Variants in SLC16A12 observed in about 807,000 individuals in gnomAD.
SLC16A12 encodes monocarboxylate transporter 12.
A neutral mutation model predicts 42.4 loss-of-function variants in SLC16A12; 17 were observed. The ratio of observed to expected loss-of-function variants is 0.40; its 90% CI spans 0.27 to 0.60. SLC16A12 has a LOEUF of 0.60. Among genes scored for constraint, SLC16A12 ranks in the 20% least tolerant of loss-of-function variants. The pLI, the probability that SLC16A12 is intolerant of heterozygous loss-of-function variation, is 0.42. For synonymous variants in SLC16A12, 224 were observed against 229.4 expected, an observed-to-expected ratio of 0.98 and a Z score of 0.21; for missense variants, 544 against 623.0, an observed-to-expected ratio of 0.87 and a Z score of 1.35.
intron 2 of SLC16A12, among the ~76,000 whole-genome samples, chr10:89,518,714 C>T (rs902069924): frequency 2.0e-5 from 3 of 152,136 alleles, no homozygotes; most frequent in Non-Finnish European, 4.4e-5. Context: ...CCTCCTGGGC[C>T]TCCATCTTCT....
intron 2 of SLC16A12, among the ~76,000 whole-genome samples, chr10:89,523,471 T>C (rs1843394933): frequency 6.6e-6 from 1 of 152,228 alleles, no homozygotes; most frequent in South Asian, 2.1e-4. Flanking sequence ...GGCCAGTCTC[T>C]GTAGAATGTG....
upstream of SLC16A12, among the ~76,000 whole-genome samples, chr10:89,536,979 G>A (rs1013211432): frequency 1.3e-5 from 2 of 150,562 alleles, no homozygotes; most frequent in Non-Finnish European, 3.0e-5. Flanking sequence ...CTGGGATTAC[G>A]GGCGCGTGCC....
At chr10:89,449,760 A>G (rs1381224316) in intron 3 of SLC16A12, among the ~76,000 whole-genome samples, 2 of 152,110 alleles carry the variant, frequency 1.3e-5, no homozygotes, top group Non-Finnish European at 1.5e-5. Flanking sequence ...TGACAAATGG[A>G]ATCTAATTAA....
intron 7 of SLC16A12, 82 bp from the exon 8 acceptor site, chr10:89,433,408 G>A (rs1841724882): frequency 7.0e-7 from 1 of 1,436,664 alleles, no homozygotes; most frequent in Non-Finnish European, 9.6e-7. Flanking sequence ...TGATTTGTAA[G>A]GATAATAATA....
At chr10:89,434,178 T>C (rs1219876868) in intron 7 of SLC16A12, among the ~76,000 whole-genome samples, 20 of 152,212 alleles carry the variant, frequency 1.3e-4, no homozygotes. Flanking sequence ...TAAACTGCTC[T>C]CAAATATTTT....
chr10:89,431,977 G>C lies in SLC16A12; in HGVS notation c.*1087C>G, dbSNP rs991209231. Reference sequence around the variant, plus strand: ...AATCTCACCTTTAGAATATCTCTAGGATAATATTTTTCAGACAACTGACTC... The same window carrying C: ...AATCTCACCTTTAGAATATCTCTAGCATAATATTTTTCAGACAACTGACTC... On this transcript the variant is annotated 3_prime_UTR_variant, in exon 8 of 8. Coordinates refer to ENST00000371790, the MANE Select transcript of SLC16A12 (RefSeq NM_213606.4). 1 of 152,360 alleles carries C rather than the reference G, an allele frequency of 6.6e-6. No homozygotes were observed. Among genetic ancestry groups the C allele is most frequent in the African/African-American group, 2.4e-5 (1 of 41,424 alleles). 9.4% of individuals were successfully genotyped at this position (152,360 alleles called of 1,614,324 possible). A position where few individuals can be genotyped will look rare whatever the true frequency, so the allele number is the denominator to read the frequency against.
intron 7 of SLC16A12, 55 bp from the exon 8 acceptor site, chr10:89,433,381 C>T: frequency 1.3e-6 from 2 of 1,568,358 alleles, no homozygotes; most frequent in Non-Finnish European, 8.7e-7. Flanking sequence ...AATTGCTTAC[C>T]CACTCTCAAA....
chr10:89,516,209 C>A (rs1020828902), intron 2 of SLC16A12, among the ~76,000 whole-genome samples: 1 of 152,118 alleles, frequency 6.6e-6, no homozygotes, highest in Admixed American at 6.6e-5. Context: ...AATTTGTTCA[C>A]TGATGTATCC....
chr10:89,548,534 C>T (rs1040931045), intron 2 of SLC16A12, among the ~76,000 whole-genome samples: 2 of 152,030 alleles, frequency 1.3e-5, no homozygotes, highest in Admixed American at 6.6e-5. Flanking sequence ...AACGCAGTCG[C>T]GACTGGGCAG....
upstream of SLC16A12, among the ~76,000 whole-genome samples, chr10:89,538,908 C>T (rs1843696141): frequency 6.6e-6 from 1 of 152,164 alleles, no homozygotes. Flanking sequence ...ATCAGTTTGG[C>T]AATAACGTCC....
intron 3 of SLC16A12, among the ~76,000 whole-genome samples, chr10:89,447,086 C>T (rs1052571644): frequency 1.3e-5 from 2 of 152,196 alleles, no homozygotes; most frequent in Non-Finnish European, 2.9e-5. Flanking sequence ...GCACCCAATA[C>T]AGGAGCACCC....
At chr10:89,456,530 T>C (rs1419998446) in intron 3 of SLC16A12, among the ~76,000 whole-genome samples, 2 of 152,128 alleles carry the variant, frequency 1.3e-5, no homozygotes, top group East Asian at 3.9e-4. Flanking sequence ...TTTTTTTCAT[T>C]TTTTAAAATT....
At chr10:89,449,457 A>G (rs1455953715) in intron 3 of SLC16A12, among the ~76,000 whole-genome samples, 2 of 152,220 alleles carry the variant, frequency 1.3e-5, no homozygotes, top group African/African-American at 4.8e-5. Context: ...GACACCACAC[A>G]TCTAAGACCA....
intron 2 of SLC16A12, among the ~76,000 whole-genome samples, chr10:89,466,188 T>C (rs1270062123): frequency 1.3e-5 from 2 of 152,234 alleles, no homozygotes; most frequent in African/African-American, 2.4e-5. Context: ...CAAAGTGAGA[T>C]AAAACATGAG....
At chr10:89,478,307 C>G (rs974377787) in intron 2 of SLC16A12, among the ~76,000 whole-genome samples, 1 of 152,176 alleles carries the variant, frequency 6.6e-6, no homozygotes, top group Non-Finnish European at 1.5e-5. Context: ...CATTCCAAGT[C>G]TCAGAGGTAA....
At chr10:89,531,005 T>A (rs1018755642) in intron 2 of SLC16A12, among the ~76,000 whole-genome samples, 1 of 152,232 alleles carries the variant, frequency 6.6e-6, no homozygotes, top group African/African-American at 2.4e-5. Flanking sequence ...ATATATTTTT[T>A]TTAACATTAC....
chr10:89,475,504 C>A (rs1204911666), intron 2 of SLC16A12, among the ~76,000 whole-genome samples: 2 of 152,206 alleles, frequency 1.3e-5, no homozygotes, highest in African/African-American at 4.8e-5. Flanking sequence ...ACTGACATTA[C>A]ACATGTGCCA....
intron 2 of SLC16A12, among the ~76,000 whole-genome samples, chr10:89,477,523 C>T (rs1392055039): frequency 7.3e-6 from 1 of 137,258 alleles, no homozygotes; most frequent in Non-Finnish European, 1.5e-5. Context: ...GAGATTGTGC[C>T]ATTGCACTTG....
At chr10:89,495,019 C>T (rs143451136) in intron 2 of SLC16A12, among the ~76,000 whole-genome samples, 1 of 152,140 alleles carries the variant, frequency 6.6e-6, no homozygotes, top group African/African-American at 2.4e-5. Flanking sequence ...GGTGAAATGC[C>T]CTGTCCCACA....
Sources: gnomAD v4.1 joint callset for allele counts (sites outside exome capture counted in the v4.1 genomes callset) on GRCh38, gnomAD v4.1.1 for gene constraint, MANE v1.5 for transcripts, NCBI Gene and HGNC (gene_info 2026-07-23, HGNC 2026-07-21) for gene names.